Variants in UBAC2 observed in about 807,000 individuals in gnomAD.
UBAC2 encodes ubiquitin-associated domain-containing protein 2.
In UBAC2, 26 loss-of-function variants were observed where a neutral mutation model predicts 44.0. The ratio of observed to expected loss-of-function variants is 0.59; its 90% CI spans 0.43 to 0.82. The LOEUF (loss-of-function observed/expected upper bound fraction) is 0.82, where lower values mean the gene tolerates loss of function less well. Among genes scored for constraint, UBAC2 ranks in the 40% least tolerant of loss-of-function variants. The pLI is 0.00. For missense variants in UBAC2, 329 were observed against 419.4 expected, an observed-to-expected ratio of 0.78 and a Z score of 1.88; for synonymous variants, 155 against 154.3, an observed-to-expected ratio of 1.00 and a Z score of -0.04.
chr13:99,249,638 A>G (rs2043433508), intron 4 of UBAC2, among the ~76,000 whole-genome samples: 1 of 152,208 alleles, frequency 6.6e-6, no homozygotes, highest in South Asian at 2.1e-4. Flanking sequence ...TAGTGGCTGA[A>G]CTAATTTACA....
At chr13:99,266,517 C>T (rs61970284) in intron 4 of UBAC2, among the ~76,000 whole-genome samples, 82,484 of 152,026 alleles carry the variant, frequency 0.54, 24,852 homozygotes, top group Non-Finnish European at 0.7. Context: ...ACCATTTCTG[C>T]CCTCTTTGGA....
intron 1 of UBAC2, among the ~76,000 whole-genome samples, chr13:99,223,893 A>G (rs1381324183): frequency 2.0e-5 from 3 of 152,044 alleles, no homozygotes; most frequent in African/African-American, 7.3e-5. Flanking sequence ...GGACTCTTTT[A>G]TGCCCAGAAT....
At chr13:99,360,852 G>T (rs1029663253) in intron 7 of UBAC2, among the ~76,000 whole-genome samples, 1 of 152,096 alleles carries the variant, frequency 6.6e-6, no homozygotes, top group Non-Finnish European at 1.5e-5. Context: ...TTCCATTTCT[G>T]GGTATCTTGC....
intron 1 of UBAC2, among the ~76,000 whole-genome samples, chr13:99,212,963 T>C (rs1449640922): frequency 6.6e-6 from 1 of 152,248 alleles, no homozygotes; most frequent in Non-Finnish European, 1.5e-5. Context: ...TTTTATGTAG[T>C]GTAGAAGGGA....
chr13:99,217,552 C>T (rs1482271626), intron 1 of UBAC2, among the ~76,000 whole-genome samples: 2 of 152,214 alleles, frequency 1.3e-5, no homozygotes, highest in Non-Finnish European at 2.9e-5. Context: ...AGTCCGACTT[C>T]TTGGGTCCTT....
chr13:99,379,572 T>C (rs1011243338), intron 8 of UBAC2, among the ~76,000 whole-genome samples: 1 of 152,258 alleles, frequency 6.6e-6, no homozygotes, highest in Admixed American at 6.5e-5. Flanking sequence ...GTGGCAGGTG[T>C]TCACTGCAAC....
intron 4 of UBAC2, among the ~76,000 whole-genome samples, chr13:99,270,338 TATGAAC>T (rs2043799903): frequency 6.6e-6 from 1 of 152,226 alleles, no homozygotes; most frequent in East Asian, 1.9e-4. Context: ...TGAAGTCTTA[TATGAAC>T]CACAGACTGT....
Position 99,338,047 on chromosome 13 carries a change from CTT to C in UBAC2, c.562-2246_562-2245del, listed in dbSNP as rs869112086. Among the ~76,000 whole-genome samples the C allele has an allele frequency of 3.1e-3, 150 of 48,846 alleles. 5 individuals carry two copies. Among genetic ancestry groups the C allele is most frequent in the East Asian group, 0.014 (24 of 1,656 alleles). 32.0% of individuals were successfully genotyped at this position (48,846 alleles called of 152,430 possible). ...ATCTCCTAACTTTTTTTCTTTTTTT[CTT>C]TTTTTTTTTTTTTTTTTTTTTTTTT... On this transcript the variant is annotated intron_variant, in intron 6 of 8. Transcript: ENST00000403766.
intron 8 of UBAC2, chr13:99,372,515 T>C (rs1012246139): frequency 6.6e-6 from 1 of 152,146 alleles, no homozygotes; most frequent in African/African-American, 2.4e-5. Context: ...CTTTTGGAGA[T>C]GGGTAGACAA....
chr13:99,265,370 G>A (rs2043728927), intron 4 of UBAC2, among the ~76,000 whole-genome samples: 1 of 152,224 alleles, frequency 6.6e-6, no homozygotes, highest in Non-Finnish European at 1.5e-5. Flanking sequence ...AGACCCACAG[G>A]CCAGCTGCCG....
intron 6 of UBAC2, among the ~76,000 whole-genome samples, chr13:99,323,389 C>T (rs2044595203): frequency 6.6e-6 from 1 of 152,066 alleles, no homozygotes; most frequent in African/African-American, 2.4e-5. Context: ...TCGCTTGAGC[C>T]CAAGAGTTCA....
At chr13:99,254,959 T>C in intron 4 of UBAC2, 1 of 1,614,086 alleles carries the variant, frequency 6.2e-7, no homozygotes, top group South Asian at 1.1e-5. Context: ...TCGAAGGTAA[T>C]TACGGTATAG....
chr13:99,242,867 C>G (rs999911363), intron 2 of UBAC2, among the ~76,000 whole-genome samples: 1 of 144,318 alleles, frequency 6.9e-6, no homozygotes, highest in Non-Finnish European at 1.5e-5. Flanking sequence ...CCTCACCTCC[C>G]AGACGGGGCG....
intron 4 of UBAC2, among the ~76,000 whole-genome samples, chr13:99,279,726 T>C (rs531174998): frequency 4.6e-5 from 7 of 152,340 alleles, no homozygotes; most frequent in African/African-American, 1.4e-4. Context: ...ACTGGCAGAT[T>C]TGGTGTTTGG....
At chr13:99,375,681 A>T (rs1043004193) in intron 8 of UBAC2, among the ~76,000 whole-genome samples, 2 of 152,106 alleles carry the variant, frequency 1.3e-5, no homozygotes, top group African/African-American at 4.8e-5. Flanking sequence ...CACTGAGGGG[A>T]GTTGCTAGAA....
chr13:99,384,602 C>T (rs951732263), intron 8 of UBAC2, among the ~76,000 whole-genome samples: 8 of 152,374 alleles, frequency 5.3e-5, no homozygotes, highest in African/African-American at 1.9e-4. Flanking sequence ...TTGCTGCCTG[C>T]GTAAGCCCCA....
chr13:99,269,336 C>T (rs1408093506), intron 4 of UBAC2, among the ~76,000 whole-genome samples: 2 of 152,162 alleles, frequency 1.3e-5, no homozygotes, highest in East Asian at 3.8e-4. Context: ...GGAGTCCAGC[C>T]AAGGGACCGC....
chr13:99,266,727 G>T (rs1444257344), intron 4 of UBAC2, among the ~76,000 whole-genome samples: 2 of 152,252 alleles, frequency 1.3e-5, no homozygotes, highest in East Asian at 3.9e-4. Context: ...TCTTAACCAT[G>T]TTTAAATGTG....
At chr13:99,221,607 T>C (rs1342774484) in intron 1 of UBAC2, among the ~76,000 whole-genome samples, 1 of 152,218 alleles carries the variant, frequency 6.6e-6, no homozygotes, top group Non-Finnish European at 1.5e-5. Flanking sequence ...TATTTCTGTG[T>C]TCCTCCCATG....
Sources: gnomAD v4.1 joint callset for allele counts (sites outside exome capture counted in the v4.1 genomes callset) on GRCh38, gnomAD v4.1.1 for gene constraint, MANE v1.5 for transcripts, NCBI Gene and HGNC (gene_info 2026-07-23, HGNC 2026-07-21) for gene names.